The following PAM variants were observed in gnomAD, a reference collection of about 807,000 sequenced individuals.
PAM encodes the protein peptidyl-glycine alpha-amidating monooxygenase.
A neutral mutation model predicts 122.1 loss-of-function variants in PAM; 72 were observed. That is an observed-to-expected ratio of 0.59 (90% CI 0.49 to 0.72). PAM has a LOEUF of 0.72. PAM is among the 30% of genes least tolerant of loss of function. The pLI, the probability that PAM is intolerant of heterozygous loss-of-function variation, is 0.00. For synonymous variants in PAM, 389 were observed against 404.4 expected (o/e 0.96, Z 0.46); for missense variants, 1,106 against 1,183.7 (o/e 0.93, Z 0.96).
At chr5:102,806,858 A>G (rs951555577) in intron 1 of PAM, among the ~76,000 whole-genome samples, 2 of 152,224 alleles carry the variant, frequency 1.3e-5, no homozygotes, top group South Asian at 2.1e-4. Flanking sequence ...TTTTCTACAT[A>G]TTCCAGATTG....
chr5:102,820,829 T>C (rs545278727), intron 1 of PAM, among the ~76,000 whole-genome samples: 68 of 152,330 alleles, frequency 4.5e-4, no homozygotes, highest in Admixed American at 1.2e-3. Context: ...TACAGAATGT[T>C]AGAACAAAGA....
chr5:102,794,340 T>G (rs1453076272), intron 1 of PAM, among the ~76,000 whole-genome samples: 3 of 152,202 alleles, frequency 2.0e-5, no homozygotes, highest in Non-Finnish European at 4.4e-5. Context: ...AGATTCTTAC[T>G]GATTCAGATA....
At chr5:102,938,461 A>G (rs1056252199) in intron 7 of PAM, among the ~76,000 whole-genome samples, 15 of 152,300 alleles carry the variant, frequency 9.8e-5, no homozygotes, top group African/African-American at 3.6e-4. Flanking sequence ...TAAAAAAGTA[A>G]TTCAACATTG....
At chr5:103,015,614 A>C (rs1177964112) in intron 21 of PAM, among the ~76,000 whole-genome samples, 3 of 152,152 alleles carry the variant, frequency 2.0e-5, no homozygotes, top group African/African-American at 7.2e-5. Flanking sequence ...AGTTCTTCTG[A>C]CTGCAAGAAG....
intron 1 of PAM, among the ~76,000 whole-genome samples, chr5:102,786,629 A>T (rs1760621600): frequency 6.6e-6 from 1 of 152,148 alleles, no homozygotes; most frequent in South Asian, 2.1e-4. Flanking sequence ...ATGTAGTATA[A>T]TTTCTAAATA....
intron 1 of PAM, among the ~76,000 whole-genome samples, chr5:102,841,946 G>A (rs924080664): frequency 2.0e-5 from 3 of 152,008 alleles, no homozygotes; most frequent in African/African-American, 7.2e-5. Context: ...AGTAGCATGT[G>A]GCAAGTCTAT....
chr5:102,872,328 C>A (rs1787795155), intron 3 of PAM, among the ~76,000 whole-genome samples: 1 of 152,144 alleles, frequency 6.6e-6, no homozygotes, highest in Non-Finnish European at 1.5e-5. Context: ...AAATTAGAAT[C>A]TTAAGTTATT....
In PAM at chr5:102,807,125, T is replaced by G. The variant is rs112383133; in HGVS notation, c.-374+51777T>G. 2.2e-3 allele frequency among the ~76,000 whole-genome samples: 335 copies of G among 152,298 alleles called. 1 individual carries two copies. Among genetic ancestry groups the G allele is most frequent in the African/African-American group, 7.6e-3 (316 of 41,558 alleles). ...CTTGCTTATCTTTACAATTACAGTATTTGCAATAGCAAAATTAGACCTCAG... is the reference window on the plus strand; with the variant it reads ...CTTGCTTATCTTTACAATTACAGTAGTTGCAATAGCAAAATTAGACCTCAG... On this transcript the variant is annotated intron_variant, in intron 1 of 25. Coordinates refer to ENST00000438793, the MANE Select transcript of PAM (RefSeq NM_001177306.2).
rs1331260223 is a variant in PAM, at chr5:103,019,816, G to A, written c.2458G>A (p.Ala820Thr). 2 of 1,608,858 alleles carry A rather than the reference G, an allele frequency of 1.2e-6. No individual in the cohort carries two copies. The highest frequency in any genetic ancestry group is 1.7e-6 in the Non-Finnish European group (2 of 1,175,394). The change falls in exon 23 of 26, where the codon GCT becomes ACT. Residue 820 changes from alanine (A) to threonine (T), a missense_variant. Ala to Thr is a moderately conservative substitution (Grantham distance 58). Around this residue, in one of 3 missense-constraint regions of PAM, gnomAD observed 333 missense variants for 335.6 expected, o/e 0.99. Coordinates refer to ENST00000438793, the MANE Select transcript of PAM (RefSeq NM_001177306.2). ...EKLEHRSVKK[A>T]GIEVQEIKEA... Reference sequence around the variant, plus strand: ...ATTGGAACATCGATCAGTTAAAAAGGCTGGCATTGAGGTCCAGGAAATCAA... The same window carrying A: ...ATTGGAACATCGATCAGTTAAAAAGACTGGCATTGAGGTCCAGGAAATCAA...
intron 15 of PAM, among the ~76,000 whole-genome samples, chr5:102,987,737 C>T (rs1582591877): frequency 1.3e-5 from 2 of 152,148 alleles, no homozygotes; most frequent in South Asian, 4.1e-4. Flanking sequence ...CCTTTTGTGA[C>T]AAGCAAGGGT....
At chr5:102,899,087 A>C (rs2151377825) in intron 3 of PAM, among the ~76,000 whole-genome samples, 1 of 147,950 alleles carries the variant, frequency 6.8e-6, no homozygotes, top group South Asian at 2.1e-4. Context: ...CCCTCCCTTT[A>C]CCCCACCTCT....
chr5:102,757,615 C>T (rs1483956846), intron 1 of PAM, among the ~76,000 whole-genome samples: 1 of 152,108 alleles, frequency 6.6e-6, no homozygotes, highest in Non-Finnish European at 1.5e-5. Flanking sequence ...GTTTTTTTCT[C>T]AACTCCTTGA....
chr5:102,845,423 G>C (rs796903679), intron 1 of PAM, among the ~76,000 whole-genome samples: 1 of 152,170 alleles, frequency 6.6e-6, no homozygotes. Flanking sequence ...AAGTGATGCC[G>C]TGTGGTCAGT....
intron 15 of PAM, among the ~76,000 whole-genome samples, chr5:102,979,062 G>A (rs62362525): frequency 0.026 from 3,354 of 131,390 alleles, 120 homozygotes; most frequent in African/African-American, 0.089. Context: ...ACACACACAC[G>A]CACACACACA....
chr5:103,011,751 C>T (rs1238655479), intron 21 of PAM, among the ~76,000 whole-genome samples: 2 of 152,112 alleles, frequency 1.3e-5, no homozygotes, highest in Non-Finnish European at 2.9e-5. Flanking sequence ...CTTTGATATA[C>T]TAATTTCCTT....
At chr5:102,969,326 A>G (rs554124320) in intron 14 of PAM, among the ~76,000 whole-genome samples, 15 of 152,244 alleles carry the variant, frequency 9.9e-5, no homozygotes, top group African/African-American at 3.4e-4. Flanking sequence ...ATAGCTGAAC[A>G]GAGCTGTGGA....
intron 14 of PAM, among the ~76,000 whole-genome samples, chr5:102,963,122 A>T (rs1402538108): frequency 3.3e-5 from 5 of 151,932 alleles, no homozygotes; most frequent in Non-Finnish European, 5.9e-5. Context: ...CGGTAAAGAC[A>T]GTAGCCTAAC....
intron 1 of PAM, among the ~76,000 whole-genome samples, chr5:102,854,052 C>T (rs1243339302): frequency 1.3e-5 from 2 of 152,166 alleles, no homozygotes; most frequent in Non-Finnish European, 2.9e-5. Flanking sequence ...AGTTGCGGTT[C>T]AGTCCCTGCC....
chr5:102,977,658 G>GCGCACACACA (rs1195392580), intron 15 of PAM, among the ~76,000 whole-genome samples: 3 of 142,932 alleles, frequency 2.1e-5, no homozygotes, highest in South Asian at 4.7e-4. Flanking sequence ...ATGCATGTGC[G>GCGCACACACA]CACACACACA....
Sources: allele counts gnomAD v4.1 joint callset (sites outside exome capture counted in the v4.1 genomes callset), GRCh38; gene constraint gnomAD v4.1.1; regional missense constraint gnomAD v4.1.1; transcripts MANE v1.5; gene names NCBI Gene and HGNC (gene_info 2026-07-23, HGNC 2026-07-21).